ATP8B1: variants seen among roughly 807,000 people sequenced by gnomAD.
ATP8B1 encodes ATPase phospholipid transporting 8B1.
In ATP8B1, 80 loss-of-function variants were observed where a neutral mutation model predicts 149.9. The observed-to-expected ratio is 0.53, with a 90% CI of 0.45 to 0.64. The LOEUF (loss-of-function observed/expected upper bound fraction) is 0.64. ATP8B1 is among the 30% of genes least tolerant of loss of function. ATP8B1 has a pLI of 0.00. For missense variants in ATP8B1, 1,247 were observed against 1,552.6 expected, an observed-to-expected ratio of 0.80 and a Z score of 3.31; for synonymous variants, 536 against 562.8, an observed-to-expected ratio of 0.95 and a Z score of 0.67.
chr18:57,738,218 A>G (rs545017015), intron 1 of ATP8B1, among the ~76,000 whole-genome samples: 114 of 152,346 alleles, frequency 7.5e-4, no homozygotes, highest in African/African-American at 2.7e-3. Context: ...GTGTGCATTT[A>G]CTCAGCATCC....
At chr18:57,708,441 C>G (rs1378173280) in intron 2 of ATP8B1, 1 of 152,130 alleles carries the variant, frequency 6.6e-6, no homozygotes, top group African/African-American at 2.4e-5. Flanking sequence ...ACAGCTCATT[C>G]CACTCAAAAA....
intron 1 of ATP8B1, among the ~76,000 whole-genome samples, chr18:57,792,780 C>CA (rs112376776): frequency 0.3 from 45,760 of 151,770 alleles, 7,721 homozygotes; most frequent in African/African-American, 0.43. Flanking sequence ...TTGTTTAAAA[C>CA]AAAAAAATCC....
chr18:57,648,388 T>C lies in ATP8B1; in HGVS notation c.*100A>G. 1 of 1,308,378 alleles carries C rather than the reference T, an allele frequency of 7.6e-7. No individual in the cohort carries two copies. The highest frequency in any genetic ancestry group is 1.1e-6 in the Non-Finnish European group (1 of 910,996). The allele number at this position is 1,308,378 out of a possible 1,614,324, so 81.0% of individuals were successfully genotyped here. Reference sequence around the variant, plus strand: ...AGATTATTTATTGTCTTCAATATCTTTGTGATGAATGCAATTCACACACAC... The same window carrying C: ...AGATTATTTATTGTCTTCAATATCTCTGTGATGAATGCAATTCACACACAC... On this transcript the variant is annotated 3_prime_UTR_variant, in exon 28 of 28. Transcript: ENST00000648908.
At chr18:57,754,831 T>G (rs1273313239) in intron 1 of ATP8B1, among the ~76,000 whole-genome samples, 1 of 152,174 alleles carries the variant, frequency 6.6e-6, no homozygotes, top group African/African-American at 2.4e-5. Context: ...GAGAGAGATA[T>G]TAAATATTTT....
At chr18:57,672,199 T>C (rs1268447046) in intron 16 of ATP8B1, among the ~76,000 whole-genome samples, 2 of 152,250 alleles carry the variant, frequency 1.3e-5, no homozygotes, top group African/African-American at 4.8e-5. Context: ...CTTTCTTTTG[T>C]AGACTTTTTC....
intron 17 of ATP8B1, among the ~76,000 whole-genome samples, chr18:57,669,830 T>G (rs1398025471): frequency 6.6e-6 from 1 of 152,078 alleles, no homozygotes; most frequent in African/African-American, 2.4e-5. Flanking sequence ...TGTACTTTTT[T>G]TTGTAGAGAT....
chr18:57,687,825 G>A (rs926825530), intron 13 of ATP8B1, among the ~76,000 whole-genome samples: 6 of 143,004 alleles, frequency 4.2e-5, no homozygotes, highest in Non-Finnish European at 9.0e-5. Flanking sequence ...CTCTCACCAG[G>A]CTGGAGTGCA....
At chr18:57,779,897 CA>C (rs35023925) in intron 1 of ATP8B1, among the ~76,000 whole-genome samples, 2,594 of 107,688 alleles carry the variant, frequency 0.024, 62 homozygotes, top group African/African-American at 0.086. Flanking sequence ...AACTCCGTCT[CA>C]AAAAAAAAAA....
chr18:57,732,053 C>A, intron 1 of ATP8B1: 1 of 406,464 alleles, frequency 2.5e-6, no homozygotes, highest in Non-Finnish European at 4.5e-6. Context: ...TATGGAGCTG[C>A]AAACCTTTTA....
At chr18:57,729,545 C>CTTTATTT (rs1294258760) in intron 2 of ATP8B1, among the ~76,000 whole-genome samples, 1 of 48,042 alleles carries the variant, frequency 2.1e-5, no homozygotes, top group East Asian at 8.7e-4. Flanking sequence ...CATTTTCTTT[C>CTTTATTT]TTTCTTTTTT....
At chr18:57,728,319 G>A (rs540672832) in intron 2 of ATP8B1, among the ~76,000 whole-genome samples, 2 of 152,140 alleles carry the variant, frequency 1.3e-5, no homozygotes, top group East Asian at 3.9e-4. Flanking sequence ...ATTCTCTGAA[G>A]GAAATTATTC....
chr18:57,764,751 A>G (rs2080194189), intron 1 of ATP8B1, among the ~76,000 whole-genome samples: 2 of 90,620 alleles, frequency 2.2e-5, no homozygotes, highest in South Asian at 4.7e-4. Context: ...TTTCACTTTC[A>G]GTTGTCAAAA....
chr18:57,752,905 G>A (rs1175458344), intron 1 of ATP8B1, among the ~76,000 whole-genome samples: 3 of 152,162 alleles, frequency 2.0e-5, no homozygotes, highest in Admixed American at 6.5e-5. Context: ...AGAGTTCAAG[G>A]CTGTATCCAG....
At chr18:57,731,308 AATATATATATAT>A (rs878964423) in intron 2 of ATP8B1, 2 of 141,296 alleles carry the variant, frequency 1.4e-5, no homozygotes, top group African/African-American at 5.7e-5. Context: ...CCTGCCTCAA[AATATATATATAT>A]ATATATATAT....
At position 57,724,136 on chromosome 18, in the gene ATP8B1, C is replaced by G. The variant is rs545043896; in HGVS notation, c.181+7491G>C. ...AAAGATTTAAACGTTAGACCTAAAA[C>G]CATAAAAACCCTAGAAGAAAACCTA... is the stretch of plus-strand genomic sequence containing the variant. On this transcript the variant is annotated intron_variant, in intron 2 of 27. Transcript: ENST00000648908. Among the ~76,000 whole-genome samples the G allele has an allele frequency of 2.0e-4, 30 of 150,464 alleles. 1 individual carries two copies. The highest frequency in any genetic ancestry group is 7.1e-4 in the African/African-American group (29 of 41,000).
intron 1 of ATP8B1, chr18:57,737,898 A>G (rs2079874286): frequency 6.6e-6 from 1 of 152,362 alleles, no homozygotes; most frequent in Admixed American, 6.5e-5. Context: ...CACCCACACA[A>G]TCTGCACAGT....
intron 24 of ATP8B1, among the ~76,000 whole-genome samples, chr18:57,653,682 CTTTTTTTTT>C (rs71171057): frequency 0.24 from 27,897 of 118,026 alleles, 3,399 homozygotes; most frequent in Middle Eastern, 0.37. Flanking sequence ...CCTCTTTTCT[CTTTTTTTTT>C]TTTTTTTTTT....
rs775396313 is a variant in ATP8B1, at chr18:57,669,530, TTATG to T, written c.1933-52_1933-49del. The T allele has an allele frequency of 2.2e-4, 342 of 1,544,972 alleles. 2 individuals carry two copies. The East Asian group carries it at 4.5e-3, about 20-fold the overall frequency. ...TCCACCAATGCAAAGAATAGTTAATTTATGTAATTCAGGATCAAGTCTGAAATTT... is the reference window on the plus strand; with the variant it reads ...TCCACCAATGCAAAGAATAGTTAATTTAATTCAGGATCAAGTCTGAAATTT... On this transcript the variant is annotated intron_variant, in intron 17 of 27. Coordinates refer to ENST00000648908, the MANE Select transcript of ATP8B1 (RefSeq NM_001374385.1).
At chr18:57,709,769 T>A (rs1035160334) in intron 2 of ATP8B1, among the ~76,000 whole-genome samples, 9 of 151,900 alleles carry the variant, frequency 5.9e-5, no homozygotes, top group African/African-American at 2.2e-4. Flanking sequence ...AGCCTCTGCC[T>A]CCCAGGTTCA....
Sources: gnomAD v4.1 joint callset for allele counts (sites outside exome capture counted in the v4.1 genomes callset) on GRCh38, gnomAD v4.1.1 for gene constraint, MANE v1.5 for transcripts, NCBI Gene and HGNC (gene_info 2026-07-23, HGNC 2026-07-21) for gene names.